The following PLXDC2 variants were observed in gnomAD, a reference collection of about 807,000 sequenced individuals.
PLXDC2 encodes the protein plexin domain containing 2, also known as plexin domain-containing protein 2.
PLXDC2 carries 40 observed loss-of-function variants against 68.9 expected under a neutral mutation model. That is an observed-to-expected ratio of 0.58 (90% CI 0.45 to 0.76). PLXDC2 has a LOEUF of 0.76. Ranked by LOEUF, PLXDC2 falls within the 30% of genes least tolerant of loss-of-function variation. The probability of loss-of-function intolerance (pLI) is 0.00; values close to 1 mark genes in which losing one functional copy is unlikely to be tolerated. For missense variants in PLXDC2, 644 were observed against 661.9 expected (o/e 0.97, Z 0.30); for synonymous variants, 243 against 234.2 (o/e 1.04, Z -0.34).
chr10:20,033,480 A>G (rs1364857310), intron 2 of PLXDC2, among the ~76,000 whole-genome samples: 1 of 152,202 alleles, frequency 6.6e-6, no homozygotes, highest in Non-Finnish European at 1.5e-5. Context: ...ATGCTACTAA[A>G]TAAAGACATA....
At chr10:19,996,592 C>T (rs1834846816) in intron 1 of PLXDC2, among the ~76,000 whole-genome samples, 1 of 142,314 alleles carries the variant, frequency 7.0e-6, no homozygotes, top group Non-Finnish European at 1.5e-5. Flanking sequence ...GTCTCTAAAA[C>T]AAACAAATAA....
At chr10:19,889,876 C>G (rs1444130637) in intron 1 of PLXDC2, among the ~76,000 whole-genome samples, 3 of 152,112 alleles carry the variant, frequency 2.0e-5, no homozygotes, top group African/African-American at 7.2e-5. Flanking sequence ...AATTTTCTCA[C>G]TGAGTTCTCA....
chr10:19,829,154 C>CTTTTTTTTTTTTTTTTTTTTTTT (rs71388870), intron 1 of PLXDC2, among the ~76,000 whole-genome samples: 2 of 94,416 alleles, frequency 2.1e-5, no homozygotes, highest in African/African-American at 4.4e-5. Flanking sequence ...ACGCTTTCCT[C>CTTTTTTTTTTTTTTTTTTTTTTT]TTTTTTTTTT....
At chr10:20,072,390 A>G (rs996695440) in intron 4 of PLXDC2, among the ~76,000 whole-genome samples, 3 of 149,244 alleles carry the variant, frequency 2.0e-5, no homozygotes, top group Non-Finnish European at 4.4e-5. Context: ...AGAGAGAAAG[A>G]GGAAAGAAAG....
At chr10:20,000,001 T>G (rs1013586206) in intron 1 of PLXDC2, among the ~76,000 whole-genome samples, 3 of 152,182 alleles carry the variant, frequency 2.0e-5, no homozygotes, top group Non-Finnish European at 4.4e-5. Flanking sequence ...TCCTGGATTC[T>G]TCCTTGCACA....
chr10:19,970,944 C>A (rs1051100730), intron 1 of PLXDC2, among the ~76,000 whole-genome samples: 1 of 152,288 alleles, frequency 6.6e-6, no homozygotes, highest in Non-Finnish European at 1.5e-5. Context: ...TCCAATCTCA[C>A]AGAAGGATTT....
intron 12 of PLXDC2, among the ~76,000 whole-genome samples, chr10:20,238,218 T>C (rs1035551710): frequency 2.0e-5 from 3 of 150,870 alleles, no homozygotes; most frequent in African/African-American, 7.3e-5. Flanking sequence ...TCCTCCTATC[T>C]TCTTTTTTTC....
At chr10:20,274,793 G>A (rs546869785) in intron 13 of PLXDC2, among the ~76,000 whole-genome samples, 2 of 149,986 alleles carry the variant, frequency 1.3e-5, no homozygotes, top group South Asian at 2.1e-4. Flanking sequence ...CCCTGGCCAG[G>A]ACCCAAAACC....
intron 1 of PLXDC2, among the ~76,000 whole-genome samples, chr10:19,835,588 C>A (rs553629138): frequency 6.6e-6 from 1 of 152,080 alleles, no homozygotes; most frequent in South Asian, 2.1e-4. Context: ...GTGATGGGAA[C>A]CAGCCAGTGA....
At chr10:19,987,035 C>A (rs1307051659) in intron 1 of PLXDC2, among the ~76,000 whole-genome samples, 1 of 152,064 alleles carries the variant, frequency 6.6e-6, no homozygotes, top group Non-Finnish European at 1.5e-5. Context: ...CTGATATCTC[C>A]CTTTCTCAAT....
At chr10:20,023,578 C>T (rs1835349839) in intron 2 of PLXDC2, among the ~76,000 whole-genome samples, 2 of 152,072 alleles carry the variant, frequency 1.3e-5, no homozygotes, top group South Asian at 4.1e-4. Flanking sequence ...GCCCTTCTTC[C>T]ACAGCAAGAG....
intron 7 of PLXDC2, among the ~76,000 whole-genome samples, chr10:20,164,848 C>T (rs1269402964): frequency 6.6e-6 from 1 of 152,068 alleles, no homozygotes; most frequent in Non-Finnish European, 1.5e-5. Context: ...TGGGGTCTTA[C>T]TCTGTCACCC....
intron 7 of PLXDC2, among the ~76,000 whole-genome samples, chr10:20,170,986 A>T (rs1458323398): frequency 1.3e-5 from 2 of 152,118 alleles, no homozygotes; most frequent in African/African-American, 4.8e-5. Flanking sequence ...ATTTTCAAAT[A>T]TAAGTGTATT....
At chr10:20,266,462 AT>A (rs994327657) in intron 13 of PLXDC2, among the ~76,000 whole-genome samples, 1 of 152,036 alleles carries the variant, frequency 6.6e-6, no homozygotes, top group Non-Finnish European at 1.5e-5. Flanking sequence ...AATGAAATAC[AT>A]TTTTAAAATC....
rs900826340 is a variant in PLXDC2, at chr10:20,153,023, A to G, written c.783+5121A>G. ...ATTTCTGGTAAGCCCTTACTCTTCT[A>G]GTCCTTCAGGGATCTCCACTAAAGA... On this transcript the variant is annotated intron_variant, in intron 6 of 13. Coordinates refer to ENST00000377252, the MANE Select transcript of PLXDC2 (RefSeq NM_032812.9). 7.2e-5 allele frequency among the ~76,000 whole-genome samples: 11 copies of G among 152,132 alleles called. No individual in the cohort carries two copies. The East Asian group carries it at 2.1e-3, about 29-fold the overall frequency.
intron 2 of PLXDC2, among the ~76,000 whole-genome samples, chr10:20,032,028 C>T (rs1835509120): frequency 1.3e-5 from 2 of 152,058 alleles, no homozygotes; most frequent in Admixed American, 6.6e-5. Flanking sequence ...ACCATGTTGG[C>T]CAGGCTGGTC....
At chr10:19,818,963 A>G (rs911806078) in intron 1 of PLXDC2, among the ~76,000 whole-genome samples, 1 of 152,018 alleles carries the variant, frequency 6.6e-6, no homozygotes, top group Non-Finnish European at 1.5e-5. Context: ...AAAAAAAATA[A>G]ATGCCAGCAA....
intron 1 of PLXDC2, among the ~76,000 whole-genome samples, chr10:19,825,562 A>G (rs1490472482): frequency 2.6e-5 from 4 of 152,192 alleles, no homozygotes; most frequent in Admixed American, 6.5e-5. Flanking sequence ...ATATCTGCTT[A>G]CAGTAGCAAC....
intron 13 of PLXDC2, among the ~76,000 whole-genome samples, chr10:20,255,330 T>C (rs1032676979): frequency 7.2e-5 from 11 of 152,152 alleles, no homozygotes; most frequent in Non-Finnish European, 1.0e-4. Flanking sequence ...TAAGCCTGAA[T>C]TATGACATTT....
Sources: gnomAD v4.1 joint callset for allele counts (sites outside exome capture counted in the v4.1 genomes callset) on GRCh38, gnomAD v4.1.1 for gene constraint, MANE v1.5 for transcripts, NCBI Gene and HGNC (gene_info 2026-07-23, HGNC 2026-07-21) for gene names.